The following CNGB3 variants were observed in gnomAD, a reference collection of about 807,000 sequenced individuals.
The protein encoded by CNGB3 is cyclic nucleotide gated channel subunit beta 3, also known as cyclic nucleotide-gated channel beta-3.
A neutral mutation model predicts 92.8 loss-of-function variants in CNGB3; 86 were observed. The observed-to-expected ratio is 0.93, with a 90% CI of 0.78 to 1.11. The LOEUF (loss-of-function observed/expected upper bound fraction) is 1.11. CNGB3 is among the 50% of genes least tolerant of loss of function. CNGB3 has a pLI of 0.00. For synonymous variants in CNGB3, 333 were observed against 332.7 expected, an observed-to-expected ratio of 1.00 and a Z score of -0.01; for missense variants, 1,026 against 956.8, an observed-to-expected ratio of 1.07 and a Z score of -0.95.
At chr8:86,660,386 T>C (rs1823613700) in intron 6 of CNGB3, 1 of 439,134 alleles carries the variant, frequency 2.3e-6, no homozygotes, top group Non-Finnish European at 4.5e-6. Flanking sequence ...GATGTGCAAC[T>C]GATCCAGAGG....
intron 10 of CNGB3, among the ~76,000 whole-genome samples, chr8:86,635,861 T>TATATATACAC (rs796498363): frequency 1.2e-4 from 8 of 66,238 alleles, no homozygotes; most frequent in Non-Finnish European, 1.6e-4. Context: ...TATATATATA[T>TATATATACAC]ATACACATAC....
chr8:86,611,701 A>C, intron 13 of CNGB3, 30 bp from the exon 14 acceptor site: 1 of 1,473,134 alleles, frequency 6.8e-7, no homozygotes, highest in Non-Finnish European at 9.5e-7. Context: ...ATTCTTATAG[A>C]AACAACTAAA....
chr8:86,671,495 A>G (rs1823861786), intron 3 of CNGB3, among the ~76,000 whole-genome samples: 1 of 152,228 alleles, frequency 6.6e-6, no homozygotes, highest in African/African-American at 2.4e-5. Flanking sequence ...TTTTATTCCC[A>G]TCAGTAGTCC....
chr8:86,615,192 C>G (rs56075881), intron 13 of CNGB3, among the ~76,000 whole-genome samples: 27,798 of 151,936 alleles, frequency 0.18, 3,345 homozygotes, highest in Non-Finnish European at 0.27. Flanking sequence ...CCTGTGGATA[C>G]CATGGGGTAG....
chr8:86,659,032 CT>C, intron 6 of CNGB3: 1 of 976,696 alleles, frequency 1.0e-6, no homozygotes, highest in Non-Finnish European at 1.6e-6. Flanking sequence ...TCGGCCTCCA[CT>C]TATAGCTGCT....
At chr8:86,695,157 C>T (rs1385142085) in intron 3 of CNGB3, among the ~76,000 whole-genome samples, 3 of 30,260 alleles carry the variant, frequency 9.9e-5, no homozygotes, top group African/African-American at 4.3e-4. Flanking sequence ...ACCAGTCAGG[C>T]GTGGCGGTGG....
intron 10 of CNGB3, among the ~76,000 whole-genome samples, chr8:86,643,205 G>A (rs1465241606): frequency 6.6e-6 from 1 of 151,144 alleles, no homozygotes; most frequent in East Asian, 1.9e-4. Context: ...TACTAAAGAG[G>A]TTTTTCAGCT....
chr8:86,729,986 C>T (rs574676413), intron 2 of CNGB3, among the ~76,000 whole-genome samples: 7 of 152,336 alleles, frequency 4.6e-5, no homozygotes, highest in African/African-American at 1.4e-4. Context: ...AAATTCTTCC[C>T]TGGAATGTGT....
intron 3 of CNGB3, among the ~76,000 whole-genome samples, chr8:86,715,475 C>T (rs1269438465): frequency 6.6e-6 from 1 of 152,044 alleles, no homozygotes; most frequent in Non-Finnish European, 1.5e-5. Context: ...CCTAAAGAAG[C>T]CCCATCCCTA....
chr8:86,672,449 G>T (rs961125905), intron 3 of CNGB3, among the ~76,000 whole-genome samples: 1 of 152,180 alleles, frequency 6.6e-6, no homozygotes, highest in East Asian at 1.9e-4. Context: ...ATGGAGCATA[G>T]AGTAGACATT....
rs527660813 is a variant in CNGB3 at position 86,649,846 on chromosome 8, G to T, written c.904-1959C>A. ...TTCATATAAAAAGAAATAATCATCA[G>T]AATAAACAGACAACTCACAGAATGG... On this transcript the variant is annotated intron_variant, in intron 7 of 17. Transcript: ENST00000320005. 5.3e-5 allele frequency among the ~76,000 whole-genome samples: 8 copies of T among 151,712 alleles called. No homozygotes were observed. The South Asian group carries it at 1.5e-3, about 28-fold the overall frequency.
At chr8:86,699,192 A>T (rs1824506153) in intron 3 of CNGB3, among the ~76,000 whole-genome samples, 1 of 152,178 alleles carries the variant, frequency 6.6e-6, no homozygotes, top group Non-Finnish European at 1.5e-5. Flanking sequence ...TTACAATTTG[A>T]ACCCCTTTTT....
intron 3 of CNGB3, chr8:86,708,024 A>T (rs1824681283): frequency 6.6e-6 from 1 of 152,232 alleles, no homozygotes; most frequent in Admixed American, 6.5e-5. Context: ...GGTTTTGGAC[A>T]CATGCATTTT....
At chr8:86,688,743 T>C (rs972968764) in intron 3 of CNGB3, among the ~76,000 whole-genome samples, 3 of 151,966 alleles carry the variant, frequency 2.0e-5, no homozygotes, top group African/African-American at 7.2e-5. Context: ...ATTTTGTTTA[T>C]CTTTTTTTAA....
chr8:86,608,769 C>T (rs1053665026), intron 14 of CNGB3, among the ~76,000 whole-genome samples: 2 of 152,222 alleles, frequency 1.3e-5, no homozygotes, highest in Non-Finnish European at 2.9e-5. Context: ...AGGGAAGGGA[C>T]CCCTGTCCAG....
rs1328065026 is a variant in CNGB3 at position 86,579,181 on chromosome 8, G to T, written c.1853C>A (p.Thr618Asn). ...TTCTTGGAGGGTCTTTTTGTCTAGAGTTAAAAGATTGGCAAACCCGTGGGC... is the reference window on the plus strand; with the variant it reads ...TTCTTGGAGGGTCTTTTTGTCTAGATTTAAAAGATTGGCAAACCCGTGGGC... Reference protein sequence around the residue: ...VVAHGFANLLTLDKKTLQEIL... With the variant: ...VVAHGFANLLNLDKKTLQEIL... The change falls in exon 16 of 18, where the codon ACT becomes AAT. Residue 618 changes from threonine to asparagine, a missense_variant. Physicochemically the swap from Thr to Asn is moderately conservative, Grantham distance 65. Transcript: ENST00000320005. 1 of 1,614,022 alleles carries T rather than the reference G, an allele frequency of 6.2e-7. No homozygotes were observed. Among genetic ancestry groups the T allele is most frequent in the Non-Finnish European group, 8.5e-7 (1 of 1,180,008 alleles).
intron 3 of CNGB3, among the ~76,000 whole-genome samples, chr8:86,714,970 C>T (rs773644312): frequency 6.6e-6 from 1 of 152,090 alleles, no homozygotes; most frequent in Non-Finnish European, 1.5e-5. Context: ...TCCCATCCCC[C>T]ACAACAGCCA....
chr8:86,670,090 T>C (rs6471487), intron 4 of CNGB3, among the ~76,000 whole-genome samples: 135,804 of 152,106 alleles, frequency 0.89, 60,905 homozygotes, highest in East Asian at 1. Context: ...CCTCGTGATC[T>C]GCCTGCCTCG....
At chr8:86,601,880 T>C (rs1426835596) in intron 15 of CNGB3, among the ~76,000 whole-genome samples, 1 of 152,212 alleles carries the variant, frequency 6.6e-6, no homozygotes, top group Admixed American at 6.5e-5. Context: ...CAATTTGGCC[T>C]TAGAAACCAA....
Sources: allele counts gnomAD v4.1 joint callset (sites outside exome capture counted in the v4.1 genomes callset), GRCh38; gene constraint gnomAD v4.1.1; transcripts MANE v1.5; gene names NCBI Gene and HGNC (gene_info 2026-07-23, HGNC 2026-07-21).